PRIM2: variants seen among roughly 807,000 people sequenced by gnomAD.
PRIM2 encodes DNA primase large subunit.
A neutral mutation model predicts 67.3 loss-of-function variants in PRIM2; 39 were observed. The observed-to-expected ratio is 0.58, with a 90% CI of 0.45 to 0.76. The LOEUF is 0.76. Ranked by LOEUF, PRIM2 falls within the 30% of genes least tolerant of loss-of-function variation. PRIM2 has a pLI of 0.00. For missense variants in PRIM2, 398 were observed against 598.7 expected, an observed-to-expected ratio of 0.66 and a Z score of 3.50; for synonymous variants, 143 against 198.7, an observed-to-expected ratio of 0.72 and a Z score of 2.36.
chr6:57,343,745 A>G (rs1178336037), intron 5 of PRIM2, among the ~76,000 whole-genome samples: 1 of 152,166 alleles, frequency 6.6e-6, no homozygotes, highest in Non-Finnish European at 1.5e-5. Flanking sequence ...AATCAGATGA[A>G]GAGTGTTAAA....
At chr6:57,293,671 T>C in the PRIM2 span, among the ~76,000 whole-genome samples, 4 of 151,982 alleles carry the variant, frequency 2.6e-5, no homozygotes. Flanking sequence ...AAGGGATGAG[T>C]TCATGTCCTT....
At chr6:57,417,693 C>T (rs1179257923) in intron 7 of PRIM2, among the ~76,000 whole-genome samples, 3 of 152,138 alleles carry the variant, frequency 2.0e-5, no homozygotes, top group Non-Finnish European at 2.9e-5. Flanking sequence ...GATCATAGAT[C>T]ACCATAACAG....
intron 10 of PRIM2, among the ~76,000 whole-genome samples, chr6:57,548,880 A>C (rs1424677367): frequency 6.6e-6 from 1 of 152,082 alleles, no homozygotes; most frequent in African/African-American, 2.4e-5. Context: ...AAAGTTGAAG[A>C]GTCTAGAATA....
At chr6:57,352,995 A>C (rs565067586) in intron 5 of PRIM2, among the ~76,000 whole-genome samples, 1,825 of 152,124 alleles carry the variant, frequency 0.012, 139 homozygotes, top group Admixed American at 0.11. Flanking sequence ...TTTTTTTTAC[A>C]TTTGTATTTT....
intron 7 of PRIM2, among the ~76,000 whole-genome samples, chr6:57,444,566 CAA>C (rs66824143): frequency 0.015 from 1,596 of 104,954 alleles, 27 homozygotes; most frequent in African/African-American, 0.045. Context: ...GATTCCATCT[CAA>C]AAAAAAAAAA....
the PRIM2 span, among the ~76,000 whole-genome samples, chr6:57,301,347 C>T: frequency 1.3e-5 from 2 of 151,608 alleles, no homozygotes; most frequent in African/African-American, 4.9e-5. Flanking sequence ...ATTAGCTGGG[C>T]GTGGTGGCCC....
chr6:57,446,431 T>TTTTTTTTTTTTTTTTG (rs1772369281), intron 7 of PRIM2, among the ~76,000 whole-genome samples: 1 of 141,262 alleles, frequency 7.1e-6, no homozygotes, highest in Non-Finnish European at 1.5e-5. Context: ...TTTTTTTTTT[T>TTTTTTTTTTTTTTTTG]TTGAGACAGT....
intron 5 of PRIM2, among the ~76,000 whole-genome samples, chr6:57,363,460 C>T (rs1268110938): frequency 1.3e-5 from 2 of 152,092 alleles, no homozygotes; most frequent in Admixed American, 6.6e-5. Context: ...ATATACTATA[C>T]CTTTTCATCC....
At chr6:57,241,122 G>A in the PRIM2 span, among the ~76,000 whole-genome samples, 1 of 151,676 alleles carries the variant, frequency 6.6e-6, no homozygotes, top group African/African-American at 2.4e-5. Context: ...TACTCGGGAG[G>A]CTGAGGCAGG....
intron 10 of PRIM2, among the ~76,000 whole-genome samples, chr6:57,600,336 G>GATT (rs1190863948): frequency 0.048 from 6,995 of 146,328 alleles, 240 homozygotes; most frequent in Admixed American, 0.067. Context: ...CAGAGGAAGG[G>GATT]ATTATTATTA....
chr6:57,248,586 T>G, the PRIM2 span, among the ~76,000 whole-genome samples: 1 of 152,050 alleles, frequency 6.6e-6, no homozygotes, highest in African/African-American at 2.4e-5. Flanking sequence ...CCTCTAGAGG[T>G]TTCCCATTGG....
At position 57,474,293 on chromosome 6, in the gene PRIM2, A is replaced by G. The variant is rs1316474897; in HGVS notation, c.694-33094A>G. The stretch of plus-strand genomic sequence containing the variant: ...GGGGTTCATGCCATTCTCCTGCCTC[A>G]GCCTCTGAGTAGCTGAGACTACAGG... On this transcript the variant is annotated intron_variant, in intron 7 of 13. Coordinates refer to ENST00000615550, the MANE Select transcript of PRIM2 (RefSeq NM_000947.5). Among the ~76,000 whole-genome samples, 5 of 128,404 alleles carry G rather than the reference A, an allele frequency of 3.9e-5. No homozygotes were observed. In the East Asian group the frequency reaches 1.2e-3, roughly 30 times the overall value. The allele number at this position is 128,404 out of a possible 152,430, so 84.2% of individuals were successfully genotyped here. A position where few individuals can be genotyped will look rare whatever the true frequency, so the allele number is the denominator to read the frequency against.
chr6:57,226,644 A>G, the PRIM2 span, among the ~76,000 whole-genome samples: 4 of 152,242 alleles, frequency 2.6e-5, no homozygotes, highest in Non-Finnish European at 4.4e-5. Context: ...TCCACTGGAC[A>G]GTTTTAAAAA....
At chr6:57,326,441 C>A (rs543956267) in intron 5 of PRIM2, 26 of 157,874 alleles carry the variant, frequency 1.6e-4, no homozygotes, top group Non-Finnish European at 3.2e-4. Context: ...AGTTGTCAGG[C>A]GGGGCGTGGT....
At chr6:57,373,304 GT>G (rs61576192) in intron 5 of PRIM2, among the ~76,000 whole-genome samples, 362 of 144,956 alleles carry the variant, frequency 2.5e-3, no homozygotes, top group Non-Finnish European at 3.9e-3. Context: ...ACTTTTTAAT[GT>G]TTTTTTTTTT....
the PRIM2 span, among the ~76,000 whole-genome samples, chr6:57,223,294 G>T: frequency 1.3e-5 from 2 of 152,184 alleles, no homozygotes; most frequent in Non-Finnish European, 2.9e-5. Context: ...GCAGGGGATA[G>T]TGACTGGAAG....
the PRIM2 span, among the ~76,000 whole-genome samples, chr6:57,292,245 A>G: frequency 6.6e-6 from 1 of 152,210 alleles, no homozygotes; most frequent in African/African-American, 2.4e-5. Context: ...TCCCATTCAC[A>G]ACTACTACAA....
chr6:57,384,800 G>C (rs7767130), intron 7 of PRIM2, among the ~76,000 whole-genome samples: 1 of 152,104 alleles, frequency 6.6e-6, no homozygotes, highest in East Asian at 1.9e-4. Flanking sequence ...AATGTACAAA[G>C]TTTTTCACTT....
chr6:57,259,867 A>G, the PRIM2 span, among the ~76,000 whole-genome samples: 4 of 152,144 alleles, frequency 2.6e-5, no homozygotes, highest in African/African-American at 9.7e-5. Context: ...CCTATGGTCA[A>G]CCCACATTCA....
Sources: gnomAD v4.1 joint callset for allele counts (sites outside exome capture counted in the v4.1 genomes callset) on GRCh38, gnomAD v4.1.1 for gene constraint, MANE v1.5 for transcripts, NCBI Gene and HGNC (gene_info 2026-07-23, HGNC 2026-07-21) for gene names.